XPR1: variants seen among roughly 807,000 people sequenced by gnomAD.
The protein encoded by XPR1 is solute carrier family 53 member 1.
In XPR1, 28 loss-of-function variants were observed where a neutral mutation model predicts 87.5. The observed-to-expected ratio is 0.32, with a 90% CI of 0.24 to 0.44. The LOEUF (loss-of-function observed/expected upper bound fraction) is 0.44, where lower values mean the gene tolerates loss of function less well. Among genes scored for constraint, XPR1 ranks in the 20% least tolerant of loss-of-function variants. The pLI is 1.00. For synonymous variants in XPR1, 300 were observed against 306.1 expected (o/e 0.98, Z 0.21); for missense variants, 559 against 862.3 (o/e 0.65, Z 4.41).
At chr1:180,702,838 C>T (rs542509641) in intron 2 of XPR1, among the ~76,000 whole-genome samples, 2 of 151,594 alleles carry the variant, frequency 1.3e-5, no homozygotes, top group African/African-American at 4.8e-5. Flanking sequence ...TTGGAGATAT[C>T]ATATTTTCTT....
intron 2 of XPR1, among the ~76,000 whole-genome samples, chr1:180,717,001 C>CT (rs1297733177): frequency 6.6e-6 from 1 of 152,000 alleles, no homozygotes. Flanking sequence ...TTTCTTTTTC[C>CT]TTTTTTTGGA....
chr1:180,837,972 AAT>A (rs1488084176), intron 11 of XPR1, among the ~76,000 whole-genome samples: 1 of 152,160 alleles, frequency 6.6e-6, no homozygotes, highest in African/African-American at 2.4e-5. Flanking sequence ...TTTAGAACAT[AAT>A]ATACCTTTAA....
intron 1 of XPR1, among the ~76,000 whole-genome samples, chr1:180,633,627 AT>A (rs67472684): frequency 0.013 from 1,914 of 152,354 alleles, 31 homozygotes; most frequent in African/African-American, 0.044. Context: ...TGAAAGGCCT[AT>A]AATTATTAAT....
intron 6 of XPR1, among the ~76,000 whole-genome samples, chr1:180,806,803 TATC>T (rs1650007780): frequency 6.6e-6 from 1 of 152,196 alleles, no homozygotes; most frequent in African/African-American, 2.4e-5. Flanking sequence ...AACTTACTGG[TATC>T]ATCAAATGAT....
At chr1:180,838,600 G>A (rs928611764) in intron 11 of XPR1, among the ~76,000 whole-genome samples, 7 of 152,014 alleles carry the variant, frequency 4.6e-5, no homozygotes, top group South Asian at 2.1e-4. Flanking sequence ...TTTATAAACC[G>A]TATTACCTTT....
intron 2 of XPR1, among the ~76,000 whole-genome samples, chr1:180,703,738 C>G (rs1240288425): frequency 6.6e-6 from 1 of 152,102 alleles, no homozygotes; most frequent in Non-Finnish European, 1.5e-5. Context: ...ATTAGTAGGT[C>G]TCTTAATTTT....
At chr1:180,762,386 T>C (rs1410886263) in intron 2 of XPR1, among the ~76,000 whole-genome samples, 2 of 152,204 alleles carry the variant, frequency 1.3e-5, no homozygotes, top group South Asian at 4.1e-4. Context: ...GTGAACGTTA[T>C]GAACAGAAGT....
At position 180,824,793 on chromosome 1, in the gene XPR1, G is replaced by T. The variant is rs768862303; in HGVS notation, c.804G>T (p.Leu268Phe). Residue 268 changes from leucine to phenylalanine, a missense_variant, in exon 8 of 15, where the codon TTG (leucine) becomes TTT (phenylalanine). Leu to Phe is a conservative substitution (Grantham distance 22, BLOSUM62 0). Coordinates refer to ENST00000367590, the MANE Select transcript of XPR1 (RefSeq NM_004736.4). ...KLETDRSIWP[L>F]IRIYRGGFLL... ...AAACAGATAGAAGTATATGGCCCTT[G>T]ATAAGAATCTATCGGGGTGGCTTTC... 6.2e-7 allele frequency: 1 copy of T among 1,614,034 alleles called. No homozygotes were observed. Among genetic ancestry groups the T allele is most frequent in the South Asian group, 1.1e-5 (1 of 91,058 alleles).
intron 4 of XPR1, among the ~76,000 whole-genome samples, chr1:180,804,093 C>G (rs1361058940): frequency 6.6e-6 from 1 of 151,896 alleles, no homozygotes; most frequent in Non-Finnish European, 1.5e-5. Flanking sequence ...TCAAGCAATT[C>G]TCCTACCTCG....
chr1:180,663,408 G>C (rs571777221), intron 1 of XPR1, among the ~76,000 whole-genome samples: 1 of 151,826 alleles, frequency 6.6e-6, no homozygotes, highest in Admixed American at 6.5e-5. Flanking sequence ...GTACCACCTT[G>C]GTGGTCTTGG....
intron 9 of XPR1, among the ~76,000 whole-genome samples, chr1:180,833,578 A>T (rs1181410146): frequency 1.3e-5 from 2 of 152,348 alleles, no homozygotes; most frequent in African/African-American, 4.8e-5. Context: ...AACAAAGATC[A>T]AAAGAGACAA....
chr1:180,784,805 T>C (rs1649073311), intron 2 of XPR1, among the ~76,000 whole-genome samples: 1 of 152,024 alleles, frequency 6.6e-6, no homozygotes, highest in South Asian at 2.1e-4. Context: ...ATTATGCAGA[T>C]TTACTTCTAG....
chr1:180,695,452 A>ACGCG (rs1168040266), intron 2 of XPR1, among the ~76,000 whole-genome samples: 1 of 123,102 alleles, frequency 8.1e-6, no homozygotes, highest in Non-Finnish European at 1.7e-5. Flanking sequence ...ATGCGCGCGC[A>ACGCG]CGCGCGCGCT....
chr1:180,699,064 G>A (rs995901235), intron 2 of XPR1, among the ~76,000 whole-genome samples: 5 of 152,020 alleles, frequency 3.3e-5, no homozygotes, highest in Admixed American at 6.6e-5. Flanking sequence ...TGCAAGTCTT[G>A]GAGAGTTTTC....
At chr1:180,846,386 G>T (rs938423275) in intron 11 of XPR1, among the ~76,000 whole-genome samples, 1 of 151,954 alleles carries the variant, frequency 6.6e-6, no homozygotes, top group South Asian at 2.1e-4. Flanking sequence ...TGTAATGAAC[G>T]AAAGACCAGT....
chr1:180,854,617 G>A (rs556845542), intron 11 of XPR1, among the ~76,000 whole-genome samples: 1 of 152,162 alleles, frequency 6.6e-6, no homozygotes, highest in Non-Finnish European at 1.5e-5. Flanking sequence ...ACCTATCGTG[G>A]CAAAAGCACG....
chr1:180,843,312 TA>T (rs1385593522), intron 11 of XPR1, among the ~76,000 whole-genome samples: 19 of 152,306 alleles, frequency 1.2e-4, no homozygotes, highest in Admixed American at 5.2e-4. Context: ...CACACATTTT[TA>T]AAAACTGATT....
chr1:180,817,572 G>A (rs1330824341), intron 7 of XPR1, among the ~76,000 whole-genome samples: 1 of 152,174 alleles, frequency 6.6e-6, no homozygotes, highest in Non-Finnish European at 1.5e-5. Flanking sequence ...ACAGTATTCT[G>A]TACAGTAACA....
intron 2 of XPR1, among the ~76,000 whole-genome samples, chr1:180,693,567 A>C (rs138258061): frequency 2.4e-3 from 370 of 152,316 alleles, no homozygotes; most frequent in Admixed American, 3.9e-3. Flanking sequence ...AAAATGACAG[A>C]CATTTATTCT....
Sources: allele counts gnomAD v4.1 joint callset (sites outside exome capture counted in the v4.1 genomes callset), GRCh38; gene constraint gnomAD v4.1.1; transcripts MANE v1.5; gene names NCBI Gene and HGNC (gene_info 2026-07-23, HGNC 2026-07-21).